Variants in LUZP2 observed in about 807,000 individuals in gnomAD.
The protein encoded by LUZP2 is leucine zipper protein 2.
A neutral mutation model predicts 51.6 loss-of-function variants in LUZP2; 52 were observed. That is an observed-to-expected ratio of 1.01 (90% CI 0.81 to 1.27). The LOEUF is 1.27. LUZP2 is among the 50% of genes most tolerant of loss of function. The pLI is 0.00. For synonymous variants in LUZP2, 154 were observed against 137.3 expected (o/e 1.12, Z -0.85); for missense variants, 436 against 395.4 (o/e 1.10, Z -0.87).
At chr11:24,726,526 C>G (rs1858482936) in intron 1 of LUZP2, among the ~76,000 whole-genome samples, 1 of 151,416 alleles carries the variant, frequency 6.6e-6, no homozygotes. Flanking sequence ...CCACCCTACT[C>G]CCCCCACCAA....
intron 1 of LUZP2, among the ~76,000 whole-genome samples, chr11:24,564,960 T>C (rs1319750513): frequency 1.3e-5 from 2 of 152,180 alleles, no homozygotes; most frequent in Non-Finnish European, 2.9e-5. Flanking sequence ...AAAACTGTAC[T>C]AAAACCATCT....
chr11:24,918,414 G>A lies in LUZP2; in HGVS notation c.522+3876G>A, dbSNP rs11028273. Among the ~76,000 whole-genome samples, 220 of 151,458 alleles carry A rather than the reference G, an allele frequency of 1.5e-3. 1 individual carries two copies. Among genetic ancestry groups the A allele is most frequent in the South Asian group, 0.011 (54 of 4,806 alleles). On this transcript the variant is annotated intron_variant, in intron 7 of 11. Transcript: ENST00000336930. ...AGAGAGGCCATCCCTCTCTTGTGCC[G>A]GTTTTCAAAGGGAATGCTTCCAGTT... is the stretch of plus-strand genomic sequence containing the variant.
intron 5 of LUZP2, among the ~76,000 whole-genome samples, chr11:24,794,305 A>T (rs955585049): frequency 2.0e-4 from 30 of 152,174 alleles, no homozygotes; most frequent in Middle Eastern, 3.2e-3. Context: ...TGCACATGGC[A>T]TACTACTCTT....
At chr11:24,795,266 T>C (rs899483127) in intron 5 of LUZP2, among the ~76,000 whole-genome samples, 1 of 152,140 alleles carries the variant, frequency 6.6e-6, no homozygotes, top group Non-Finnish European at 1.5e-5. Flanking sequence ...AACACTCTTT[T>C]TTCCTTTTTG....
intron 1 of LUZP2, among the ~76,000 whole-genome samples, chr11:24,681,560 A>G (rs1856737836): frequency 6.6e-6 from 1 of 152,200 alleles, no homozygotes; most frequent in African/African-American, 2.4e-5. Flanking sequence ...TCAGTATCAC[A>G]TATTGGTAAA....
At chr11:24,851,651 CCTT>C (rs1203951920) in intron 5 of LUZP2, among the ~76,000 whole-genome samples, 3 of 152,096 alleles carry the variant, frequency 2.0e-5, no homozygotes, top group African/African-American at 7.2e-5. Context: ...AGGGAGTAGT[CCTT>C]CTTTTTCTAT....
At chr11:24,667,308 T>C (rs1026765129) in intron 1 of LUZP2, among the ~76,000 whole-genome samples, 29 of 151,654 alleles carry the variant, frequency 1.9e-4, no homozygotes, top group African/African-American at 6.3e-4. Flanking sequence ...CTCAGTTTCT[T>C]GAGTAGCTGG....
chr11:24,656,581 C>T (rs1855812290), intron 1 of LUZP2, among the ~76,000 whole-genome samples: 1 of 152,126 alleles, frequency 6.6e-6, no homozygotes, highest in African/African-American at 2.4e-5. Flanking sequence ...TTCCAGGAGG[C>T]TCTGGGAAAG....
At chr11:24,607,627 T>C (rs780299049) in intron 1 of LUZP2, among the ~76,000 whole-genome samples, 49 of 152,152 alleles carry the variant, frequency 3.2e-4, no homozygotes, top group South Asian at 1.2e-3. Flanking sequence ...GGGTCAGGTA[T>C]GTTGTGATTC....
intron 4 of LUZP2, among the ~76,000 whole-genome samples, chr11:24,758,491 T>A (rs1352570134): frequency 6.6e-6 from 1 of 152,050 alleles, no homozygotes; most frequent in Non-Finnish European, 1.5e-5. Context: ...TTGTAGTTTT[T>A]CTCCCTATTT....
intron 1 of LUZP2, among the ~76,000 whole-genome samples, chr11:24,534,381 A>AT (rs1491423572): frequency 6.6e-6 from 1 of 151,302 alleles, no homozygotes; most frequent in Non-Finnish European, 1.5e-5. Context: ...AGAAGATGAC[A>AT]TATACATTTC....
chr11:24,848,877 A>G (rs1851291767), intron 5 of LUZP2, among the ~76,000 whole-genome samples: 1 of 152,178 alleles, frequency 6.6e-6, no homozygotes, highest in African/African-American at 2.4e-5. Context: ...CAGAAAAAGC[A>G]TTTAATATAG....
chr11:24,823,529 A>G (rs1180373407), intron 5 of LUZP2, among the ~76,000 whole-genome samples: 1 of 152,154 alleles, frequency 6.6e-6, no homozygotes, highest in Non-Finnish European at 1.5e-5. Flanking sequence ...TACATTAACA[A>G]AATGATTCTA....
chr11:25,063,042 C>T (rs943980459), intron 10 of LUZP2, among the ~76,000 whole-genome samples: 10 of 150,720 alleles, frequency 6.6e-5, no homozygotes, highest in African/African-American at 2.0e-4. Context: ...AAAAATACCC[C>T]AAATTAAAAT....
At position 25,050,073 on chromosome 11, in the gene LUZP2, T is replaced by C; in HGVS notation, c.801T>C (p.Ser267=). The part of the protein sequence containing the change: ...QQSASGNNES[S]QVESTKEGNP... Reference sequence around the variant, plus strand: ...GTGCTTCTGGAAACAATGAGAGCTCTCAAGTTGAGTCAACAAAGGAAGGAA... The same window carrying C: ...GTGCTTCTGGAAACAATGAGAGCTCCCAAGTTGAGTCAACAAAGGAAGGAA... Residue 267 remains serine, a synonymous_variant, in exon 10 of 12, where the codon TCT becomes TCC. Coordinates refer to ENST00000336930, the MANE Select transcript of LUZP2 (RefSeq NM_001009909.4). 1.9e-6 allele frequency: 3 copies of C among 1,599,422 alleles called. No individual in the cohort carries two copies. The highest frequency in any genetic ancestry group is 2.6e-6 in the Non-Finnish European group (3 of 1,172,592).
chr11:24,866,710 A>T (rs1851909335), intron 5 of LUZP2, among the ~76,000 whole-genome samples: 1 of 152,246 alleles, frequency 6.6e-6, no homozygotes, highest in Non-Finnish European at 1.5e-5. Context: ...TAACATGATA[A>T]ACTTAAGAAA....
intron 1 of LUZP2, among the ~76,000 whole-genome samples, chr11:24,632,266 A>C (rs1325309016): frequency 6.6e-6 from 1 of 151,994 alleles, no homozygotes. Context: ...ATTTGGGTAT[A>C]ATGAGGGACA....
chr11:24,716,324 C>A (rs1162635797), intron 1 of LUZP2, among the ~76,000 whole-genome samples: 1 of 151,996 alleles, frequency 6.6e-6, no homozygotes, highest in Admixed American at 6.6e-5. Context: ...AGAAGGCGTT[C>A]AACATACTCT....
chr11:24,854,441 C>T (rs371241283), intron 5 of LUZP2, among the ~76,000 whole-genome samples: 1 of 152,188 alleles, frequency 6.6e-6, no homozygotes, highest in African/African-American at 2.4e-5. Context: ...ACCACCTACT[C>T]AAGCTTCAGT....
Sources: allele counts gnomAD v4.1 joint callset (sites outside exome capture counted in the v4.1 genomes callset), GRCh38; gene constraint gnomAD v4.1.1; transcripts MANE v1.5; gene names NCBI Gene and HGNC (gene_info 2026-07-23, HGNC 2026-07-21).